Variants in VWC2L observed in about 807,000 individuals in gnomAD.
VWC2L encodes von Willebrand factor C domain containing 2 like.
In VWC2L, 10 loss-of-function variants were observed where a neutral mutation model predicts 21.6. The ratio of observed to expected loss-of-function variants is 0.46; its 90% CI spans 0.29 to 0.78. The LOEUF (loss-of-function observed/expected upper bound fraction) is 0.78. Among genes scored for constraint, VWC2L ranks in the 30% least tolerant of loss-of-function variants. VWC2L has a pLI of 0.10. For synonymous variants in VWC2L, 96 were observed against 94.3 expected, an observed-to-expected ratio of 1.02 and a Z score of -0.10; for missense variants, 209 against 277.1, an observed-to-expected ratio of 0.75 and a Z score of 1.74.
intron 3 of VWC2L, among the ~76,000 whole-genome samples, chr2:214,512,545 A>T (rs1173523907): frequency 1.3e-5 from 2 of 152,116 alleles, no homozygotes; most frequent in East Asian, 3.9e-4. Context: ...CACCCTGTAC[A>T]TATACCCCTG....
chr2:214,514,643 A>T (rs1450890763), intron 3 of VWC2L, among the ~76,000 whole-genome samples: 1 of 152,238 alleles, frequency 6.6e-6, no homozygotes, highest in Non-Finnish European at 1.5e-5. Flanking sequence ...CAACAATAGG[A>T]TATTAAGTGC....
At chr2:214,464,432 G>A (rs1703186873) in intron 3 of VWC2L, among the ~76,000 whole-genome samples, 1 of 151,924 alleles carries the variant, frequency 6.6e-6, no homozygotes, top group Non-Finnish European at 1.5e-5. Flanking sequence ...GGTAACAACT[G>A]GGAGAATTTC....
intron 3 of VWC2L, among the ~76,000 whole-genome samples, chr2:214,493,364 A>T (rs1387859320): frequency 6.6e-6 from 1 of 152,214 alleles, no homozygotes; most frequent in East Asian, 1.9e-4. Context: ...TAACAAGAAC[A>T]AAAGGAAAGC....
chr2:214,501,716 T>C (rs12694335), intron 3 of VWC2L, among the ~76,000 whole-genome samples: 122,521 of 139,274 alleles, frequency 0.88, 56,166 homozygotes, highest in Non-Finnish European at 1. Flanking sequence ...AGCAAGACTC[T>C]GTCTCAAAAA....
At chr2:214,431,116 C>T (rs1350591754) in intron 2 of VWC2L, among the ~76,000 whole-genome samples, 4 of 152,102 alleles carry the variant, frequency 2.6e-5, no homozygotes, top group Non-Finnish European at 2.9e-5. Flanking sequence ...TGCAAATTAC[C>T]GGCTACGGGA....
chr2:214,496,245 T>TTATTTTGGGACATATATATATA (rs1553594758), intron 3 of VWC2L, among the ~76,000 whole-genome samples: 1 of 142,550 alleles, frequency 7.0e-6, no homozygotes, highest in Non-Finnish European at 1.6e-5. Flanking sequence ...TATTACAATC[T>TTATTTTGGGACATATATATATA]TATGGGACAA....
chr2:214,490,588 G>A (rs1688732350), intron 3 of VWC2L, among the ~76,000 whole-genome samples: 1 of 152,186 alleles, frequency 6.6e-6, no homozygotes, highest in Non-Finnish European at 1.5e-5. Context: ...AAAGTGATTA[G>A]AGTGAGTATG....
At chr2:214,413,023 C>T (rs1373931318) in intron 1 of VWC2L, among the ~76,000 whole-genome samples, 1 of 152,000 alleles carries the variant, frequency 6.6e-6, no homozygotes, top group African/African-American at 2.4e-5. Context: ...AATAAGAGCC[C>T]ACTCCCAACA....
At chr2:214,486,907 T>C (rs190417000) in intron 3 of VWC2L, among the ~76,000 whole-genome samples, 1 of 152,332 alleles carries the variant, frequency 6.6e-6, no homozygotes, top group African/African-American at 2.4e-5. Context: ...CCTCCCAAAA[T>C]TCCTATGTTG....
intron 2 of VWC2L, among the ~76,000 whole-genome samples, chr2:214,430,740 G>A (rs10804227): frequency 0.66 from 99,791 of 152,052 alleles, 34,351 homozygotes; most frequent in African/African-American, 0.87. Context: ...CTCCACCAGA[G>A]AAAGCCAGGG....
chr2:214,457,400 T>C (rs1282683370), intron 3 of VWC2L, among the ~76,000 whole-genome samples: 1 of 152,146 alleles, frequency 6.6e-6, no homozygotes, highest in African/African-American at 2.4e-5. Context: ...CAAAAGTTTT[T>C]GGTGTAATCT....
chr2:214,496,665 G>A (rs914803793), intron 3 of VWC2L, among the ~76,000 whole-genome samples: 31 of 152,180 alleles, frequency 2.0e-4, no homozygotes, highest in South Asian at 4.1e-4. Flanking sequence ...GAAATCTTAC[G>A]TGATTGTACT....
Position 214,575,956 on chromosome 2 carries a change from CAAA to C in VWC2L, c.*138_*140del. On this transcript the variant is annotated 3_prime_UTR_variant, in exon 4 of 4. Coordinates refer to ENST00000312504, the MANE Select transcript of VWC2L (RefSeq NM_001080500.4). ...CACCAGCAAAACTTTCTAGGGTTGA[CAAA>C]AGTGAATATTTTCCTAAGAGGAAAT... The C allele has an allele frequency of 1.0e-6, 1 of 960,402 alleles. No homozygotes were observed. Among genetic ancestry groups the C allele is most frequent in the Non-Finnish European group, 1.5e-6 (1 of 660,352 alleles). The allele number at this position is 960,402 out of a possible 1,614,324, so 59.5% of individuals were successfully genotyped here.
chr2:214,421,335 G>A (rs1559285607), intron 2 of VWC2L, among the ~76,000 whole-genome samples: 1 of 152,210 alleles, frequency 6.6e-6, no homozygotes, highest in African/African-American at 2.4e-5. Flanking sequence ...TCCCAAAGGA[G>A]TGAAATAGCT....
chr2:214,480,221 TA>T (rs1026752726), intron 3 of VWC2L, among the ~76,000 whole-genome samples: 1 of 152,196 alleles, frequency 6.6e-6, no homozygotes, highest in African/African-American at 2.4e-5. Context: ...AATGAATTTT[TA>T]AAAAATTCTT....
chr2:214,568,646 A>C (rs548121584), intron 3 of VWC2L, among the ~76,000 whole-genome samples: 1 of 152,272 alleles, frequency 6.6e-6, no homozygotes, highest in East Asian at 1.9e-4. Flanking sequence ...ATTCACTATC[A>C]CAAGAACAGC....
chr2:214,456,888 T>C (rs1392167112), intron 3 of VWC2L, among the ~76,000 whole-genome samples: 3 of 152,158 alleles, frequency 2.0e-5, no homozygotes, highest in Non-Finnish European at 4.4e-5. Context: ...GCTGTAAATA[T>C]ATGGATTTAT....
intron 2 of VWC2L, among the ~76,000 whole-genome samples, chr2:214,434,642 A>T (rs994125024): frequency 2.6e-5 from 4 of 152,158 alleles, no homozygotes; most frequent in Non-Finnish European, 5.9e-5. Flanking sequence ...TAAAGATAAA[A>T]ACAAGTCTTG....
chr2:214,479,882 CCTCT>C (rs1688578392), intron 3 of VWC2L, among the ~76,000 whole-genome samples: 1 of 152,072 alleles, frequency 6.6e-6, no homozygotes, highest in Admixed American at 6.6e-5. Context: ...TGCACTTGGC[CCTCT>C]CTATCTGTGG....
Sources: gnomAD v4.1 joint callset for allele counts (sites outside exome capture counted in the v4.1 genomes callset) on GRCh38, gnomAD v4.1.1 for gene constraint, MANE v1.5 for transcripts, NCBI Gene and HGNC (gene_info 2026-07-23, HGNC 2026-07-21) for gene names.